The following LRBA variants were observed in gnomAD, a reference collection of about 807,000 sequenced individuals.
The protein encoded by LRBA is lipopolysaccharide-responsive and beige-like anchor protein.
A neutral mutation model predicts 330.0 loss-of-function variants in LRBA; 176 were observed. The ratio of observed to expected loss-of-function variants is 0.53; its 90% CI spans 0.47 to 0.60. The LOEUF is 0.60. Among genes scored for constraint, LRBA ranks in the 20% least tolerant of loss-of-function variants. The pLI is 0.00. For synonymous variants in LRBA, 1,230 were observed against 1,193.0 expected, an observed-to-expected ratio of 1.03 and a Z score of -0.64; for missense variants, 3,259 against 3,444.8, an observed-to-expected ratio of 0.95 and a Z score of 1.35.
chr4:150,592,114 G>C (rs914952364), intron 38 of LRBA, among the ~76,000 whole-genome samples: 1 of 144,426 alleles, frequency 6.9e-6, no homozygotes, highest in East Asian at 2.1e-4. Context: ...CCCAGGCTGC[G>C]GCTTTTGATA....
At chr4:150,303,556 C>A (rs934120592) in intron 52 of LRBA, among the ~76,000 whole-genome samples, 2 of 152,008 alleles carry the variant, frequency 1.3e-5, no homozygotes, top group Non-Finnish European at 2.9e-5. Context: ...AAAGCCCTCA[C>A]CCTTTTTTGT....
At chr4:150,696,649 G>T (rs1028766147) in intron 36 of LRBA, among the ~76,000 whole-genome samples, 1 of 152,102 alleles carries the variant, frequency 6.6e-6, no homozygotes, top group African/African-American at 2.4e-5. Flanking sequence ...TAAACTATGA[G>T]ATAACTGCTC....
chr4:150,314,328 T>C (rs568354106), intron 51 of LRBA, among the ~76,000 whole-genome samples: 2 of 152,248 alleles, frequency 1.3e-5, no homozygotes, highest in African/African-American at 2.4e-5. Flanking sequence ...CAAAACAAGA[T>C]TTAAGAACCA....
chr4:150,888,768 T>C (rs1729192110), intron 17 of LRBA, among the ~76,000 whole-genome samples: 1 of 152,132 alleles, frequency 6.6e-6, no homozygotes, highest in Non-Finnish European at 1.5e-5. Context: ...AAATGGTAGA[T>C]GAAAATAATT....
At position 150,489,279 on chromosome 4, in the gene LRBA, T is replaced by TACATATACGA. The variant is rs1332546950; in HGVS notation, c.6449-1446_6449-1445insTCGTATATGT. 9.2e-4 allele frequency among the ~76,000 whole-genome samples: 95 copies of TACATATACGA among 103,708 alleles called. 4 individuals carry two copies. Among genetic ancestry groups the TACATATACGA allele is most frequent in the Non-Finnish European group, 1.2e-3 (67 of 57,848 alleles). 68.0% of individuals were successfully genotyped at this position (103,708 alleles called of 152,430 possible). On this transcript the variant is annotated intron_variant, in intron 41 of 56. Coordinates refer to ENST00000651943, the MANE Select transcript of LRBA (RefSeq NM_001364905.1). ...TTATATATAAGAATATATAATATAT[T>TACATATACGA]ATATATAAGAATATATAATATATTA...
intron 56 of LRBA, among the ~76,000 whole-genome samples, chr4:150,271,332 AC>A (rs1402981796): frequency 2.1e-5 from 3 of 143,428 alleles, no homozygotes; most frequent in South Asian, 2.2e-4. Flanking sequence ...TTTTTTTCAT[AC>A]CCCAGTGGTG....
At chr4:150,786,254 C>CTTTTT (rs34501190) in intron 34 of LRBA, among the ~76,000 whole-genome samples, 1 of 137,144 alleles carries the variant, frequency 7.3e-6, no homozygotes, top group Non-Finnish European at 1.6e-5. Flanking sequence ...TTTTGCATTT[C>CTTTTT]TTTTTTTTTT....
intron 4 of LRBA, among the ~76,000 whole-genome samples, chr4:150,923,873 TAA>T (rs1173170826): frequency 2.6e-5 from 4 of 152,194 alleles, no homozygotes; most frequent in Non-Finnish European, 5.9e-5. Context: ...ACTACCTGTG[TAA>T]AAGAGTTTGG....
chr4:150,945,411 C>T (rs1175103651), intron 2 of LRBA, among the ~76,000 whole-genome samples: 1 of 152,110 alleles, frequency 6.6e-6, no homozygotes, highest in Non-Finnish European at 1.5e-5. Context: ...TGCTGGCATG[C>T]CACGATGTTC....
intron 40 of LRBA, among the ~76,000 whole-genome samples, chr4:150,512,343 CTTA>C (rs899874233): frequency 2.0e-5 from 3 of 152,128 alleles, no homozygotes; most frequent in African/African-American, 7.2e-5. Context: ...TTAAAAGGAA[CTTA>C]TTATAAGAAT....
chr4:150,839,341 G>T (rs1344724956), intron 28 of LRBA, among the ~76,000 whole-genome samples: 1 of 152,166 alleles, frequency 6.6e-6, no homozygotes, highest in East Asian at 1.9e-4. Context: ...ATTCCTCAGG[G>T]ATCTAGAACT....
At chr4:150,885,775 T>G (rs560563939) in intron 17 of LRBA, among the ~76,000 whole-genome samples, 1 of 151,934 alleles carries the variant, frequency 6.6e-6, no homozygotes, top group African/African-American at 2.4e-5. Context: ...TCAGAAACAA[T>G]GGAGTCCACA....
chr4:150,508,150 A>C (rs1399580682), intron 40 of LRBA, among the ~76,000 whole-genome samples: 2 of 145,684 alleles, frequency 1.4e-5, no homozygotes, highest in Non-Finnish European at 3.0e-5. Context: ...TGGGTACAGC[A>C]CACCAACATG....
chr4:150,778,414 T>G (rs1737722268), intron 34 of LRBA, among the ~76,000 whole-genome samples: 4 of 152,194 alleles, frequency 2.6e-5, no homozygotes, highest in Admixed American at 2.6e-4. Context: ...GCAAATCAAT[T>G]ATGTAATTAC....
chr4:150,474,246 T>A (rs1581419724), intron 42 of LRBA, among the ~76,000 whole-genome samples: 1 of 152,178 alleles, frequency 6.6e-6, no homozygotes, highest in Admixed American at 6.6e-5. Context: ...CACTGAATTG[T>A]GTTGGCACCT....
chr4:150,998,310 G>GC (rs957071217), intron 2 of LRBA, among the ~76,000 whole-genome samples: 7 of 147,250 alleles, frequency 4.8e-5, no homozygotes, highest in African/African-American at 1.8e-4. Flanking sequence ...CCGAGATCAC[G>GC]CCACTGCACT....
chr4:150,683,994 G>T, intron 36 of LRBA: 1 of 275,520 alleles, frequency 3.6e-6, no homozygotes, highest in Non-Finnish European at 6.8e-6. Context: ...AGAAGCAGGG[G>T]CCCAGCACGA....
intron 29 of LRBA, among the ~76,000 whole-genome samples, chr4:150,830,259 A>G (rs138583326): frequency 7.2e-5 from 11 of 152,340 alleles, no homozygotes; most frequent in Middle Eastern, 3.4e-3. Flanking sequence ...TATTTGGCCC[A>G]CGTTTTAAGG....
At chr4:150,354,743 A>G (rs1288944920) in intron 47 of LRBA, among the ~76,000 whole-genome samples, 3 of 152,088 alleles carry the variant, frequency 2.0e-5, no homozygotes, top group Non-Finnish European at 4.4e-5. Context: ...AATGAGATCT[A>G]TTAGGCAGAG....
Sources: allele counts gnomAD v4.1 joint callset (sites outside exome capture counted in the v4.1 genomes callset), GRCh38; gene constraint gnomAD v4.1.1; transcripts MANE v1.5; gene names NCBI Gene and HGNC (gene_info 2026-07-23, HGNC 2026-07-21).